DAZAP1: variants seen among roughly 807,000 people sequenced by gnomAD.
DAZAP1 encodes the protein DAZ associated protein 1, also known as DAZ-associated protein 1.
A neutral mutation model predicts 60.1 loss-of-function variants in DAZAP1; 6 were observed. The ratio of observed to expected loss-of-function variants is 0.10; its 90% confidence interval spans 0.05 to 0.20. The LOEUF is 0.20. Among genes scored for constraint, DAZAP1 ranks in the 10% least tolerant of loss-of-function variants. DAZAP1 has a pLI of 1.00. For synonymous variants in DAZAP1, 235 were observed against 215.9 expected, an observed-to-expected ratio of 1.09 and a Z score of -0.78; for missense variants, 366 against 560.4, an observed-to-expected ratio of 0.65 and a Z score of 3.50.
chr19:1,424,075 C>T (rs1377462686), intron 6 of DAZAP1, among the ~76,000 whole-genome samples: 1 of 152,104 alleles, frequency 6.6e-6, no homozygotes, highest in Non-Finnish European at 1.5e-5. Context: ...TCTGTGTCCC[C>T]CTCCCCGCCA....
chr19:1,408,918 C>T (rs2082744854), intron 1 of DAZAP1, among the ~76,000 whole-genome samples: 1 of 152,192 alleles, frequency 6.6e-6, no homozygotes, highest in African/African-American at 2.4e-5. Flanking sequence ...TTTCTCGGTG[C>T]CCTTAGCTTT....
intron 8 of DAZAP1, 33 bp from the exon 9 acceptor site, chr19:1,429,934 G>A (rs1228036092): frequency 4.5e-6 from 7 of 1,556,774 alleles, no homozygotes; most frequent in African/African-American, 4.1e-5. Flanking sequence ...TGGTGGACAC[G>A]GCGCCAACCT....
chr19:1,415,810 G>C (rs1220768223), intron 1 of DAZAP1: 1 of 152,160 alleles, frequency 6.6e-6, no homozygotes, highest in Non-Finnish European at 1.5e-5. Flanking sequence ...TCGTCTCTAA[G>C]GGTCAGGAAG....
In DAZAP1 at chr19:1,425,755, C is replaced by T. The variant is rs1024691171; in HGVS notation, c.464-123C>T. 1.4e-6 allele frequency: 1 copy of T among 727,548 alleles called. No individual in the cohort carries two copies. The highest frequency in any genetic ancestry group is 2.5e-6 in the Non-Finnish European group (1 of 402,374). 45.1% of individuals were successfully genotyped at this position (727,548 alleles called of 1,614,324 possible). A position where few individuals can be genotyped will look rare whatever the true frequency, so the allele number is the denominator to read the frequency against. ...AGGCAGCTGCCCCAGGGGCCCGCAGCGCCCCACACACAGCTTAGCTGAAAC... is the reference window on the plus strand; with the variant it reads ...AGGCAGCTGCCCCAGGGGCCCGCAGTGCCCCACACACAGCTTAGCTGAAAC... On this transcript the variant is annotated intron_variant, in intron 6 of 11. Coordinates refer to ENST00000233078, the MANE Select transcript of DAZAP1 (RefSeq NM_018959.4). The surrounding 1 kb of genome is among the most constrained non-coding windows in gnomAD (Gnocchi z 5.4).
At chr19:1,430,114 A>AGAG in intron 9 of DAZAP1, 108 bp from the exon 10 acceptor site, 1 of 1,552,122 alleles carries the variant, frequency 6.4e-7, no homozygotes. Flanking sequence ...CTGGAGAGGA[A>AGAG]GAGAGGGTGA....
In DAZAP1 at chr19:1,430,508, G is replaced by A. The variant is rs1029543089; in HGVS notation, c.871+146G>A. The A allele has an allele frequency of 1.7e-5, 12 of 700,082 alleles. No homozygotes were observed. The African/African-American group carries it at 1.9e-4, about 11-fold the overall frequency. The allele number at this position is 700,082 out of a possible 1,614,324, so 43.4% of individuals were successfully genotyped here. A position where few individuals can be genotyped will look rare whatever the true frequency, so the allele number is the denominator to read the frequency against. On this transcript the variant is annotated intron_variant, in intron 10 of 11. Coordinates refer to ENST00000233078, the MANE Select transcript of DAZAP1 (RefSeq NM_018959.4). ...TGGTCAGCAGGTCACCTGCCACCAG[G>A]CCCTTCACCTGCAGATGGGCTCCAT...
Position 1,418,806 on chromosome 19 carries a change from G to T in DAZAP1, c.303+75G>T. ...GAAAGGAAATGCGTGCCTTCAATCT[G>T]CTGTTGTCGCTCGTTAAGATTGAGG... is the stretch of plus-strand genomic sequence containing the variant. On this transcript the variant is annotated intron_variant, in intron 4 of 11. Coordinates refer to ENST00000233078, the MANE Select transcript of DAZAP1 (RefSeq NM_018959.4). The surrounding 1 kb of genome is among the most constrained non-coding windows in gnomAD (Gnocchi z 5.7). The T allele has an allele frequency of 2.1e-6, 3 of 1,437,970 alleles. No homozygotes were observed. The highest frequency in any genetic ancestry group is 2.8e-6 in the Non-Finnish European group (3 of 1,058,458). 89.1% of individuals were successfully genotyped at this position (1,437,970 alleles called of 1,614,324 possible).
At chr19:1,408,583 C>T (rs905302240) in intron 1 of DAZAP1, among the ~76,000 whole-genome samples, 1 of 152,232 alleles carries the variant, frequency 6.6e-6, no homozygotes, top group Admixed American at 6.5e-5. Flanking sequence ...AACCCAGGGC[C>T]CAGGGGGCTC....
Position 1,426,518 on chromosome 19 carries a change from G to A in DAZAP1, c.546+558G>A, listed in dbSNP as rs1298741652. ...GCCACCATGCAGTCAAGTGACCTCT[G>A]GTTGTGTCATCTTCATACTGTGTTA... is the stretch of plus-strand genomic sequence containing the variant. On this transcript the variant is annotated intron_variant, in intron 7 of 11. Coordinates refer to ENST00000233078, the MANE Select transcript of DAZAP1 (RefSeq NM_018959.4). This position sits in a 1 kb window ranked among gnomAD's most constrained non-coding sequence, Gnocchi z 5.4. 1 of 154,166 alleles carries A rather than the reference G, an allele frequency of 6.5e-6. No homozygotes were observed. The highest frequency in any genetic ancestry group is 2.4e-5 in the African/African-American group (1 of 41,438). The allele number at this position is 154,166 out of a possible 1,614,324, so 9.5% of individuals were successfully genotyped here.
Position 1,435,347 on chromosome 19 carries a change from GT to G in DAZAP1, c.*438del, listed in dbSNP as rs1453497641. The G allele has an allele frequency of 6.6e-6, 1 of 152,400 alleles. No homozygotes were observed. The highest frequency in any genetic ancestry group is 1.5e-5 in the Non-Finnish European group (1 of 68,082). The allele number at this position is 152,400 out of a possible 1,614,324, so 9.4% of individuals were successfully genotyped here. A position where few individuals can be genotyped will look rare whatever the true frequency, so the allele number is the denominator to read the frequency against. ...GGCTTATTTTTTAATTTAAAACGGG[GT>G]TTCCGTCGGCACTGGTGGAGGGGGT... is the stretch of plus-strand genomic sequence containing the variant. On this transcript the variant is annotated 3_prime_UTR_variant, in exon 12 of 12. Coordinates refer to ENST00000233078, the MANE Select transcript of DAZAP1 (RefSeq NM_018959.4).
Position 1,428,955 on chromosome 19 carries a change from C to G in DAZAP1, c.660C>G (p.Gly220=), listed in dbSNP as rs1346487209. 3 of 1,608,396 alleles carry G rather than the reference C, an allele frequency of 1.9e-6. No individual in the cohort carries two copies. Among genetic ancestry groups the G allele is most frequent in the Non-Finnish European group, 2.5e-6 (3 of 1,177,860 alleles). ...VVPNAANGWA[G]QPPPTWQQGY... The stretch of plus-strand genomic sequence containing the variant: ...CCAACGCTGCCAATGGCTGGGCAGG[C>G]CAGCCCCCGCCCACGTGGCAGCAAG... Residue 220 remains glycine (G), a synonymous_variant, in exon 8 of 12, where the codon GGC becomes GGG. Coordinates refer to ENST00000233078, the MANE Select transcript of DAZAP1 (RefSeq NM_018959.4). This position sits in a 1 kb window ranked among gnomAD's most constrained non-coding sequence, Gnocchi z 4.0.
chr19:1,419,196 A>G lies in DAZAP1; in HGVS notation c.303+465A>G, dbSNP rs147411504. 5.5e-3 allele frequency among the ~76,000 whole-genome samples: 834 copies of G among 152,326 alleles called. 13 individuals are homozygous for G. Among genetic ancestry groups the G allele is most frequent in the African/African-American group, 0.019 (778 of 41,558 alleles). On this transcript the variant is annotated intron_variant, in intron 4 of 11. Transcript: ENST00000233078. ...CTGGTGCTTGCCTGGCCGACAGGGCACTGTCCTGGCATGGGGTCTCCTTGG... is the reference window on the plus strand; with the variant it reads ...CTGGTGCTTGCCTGGCCGACAGGGCGCTGTCCTGGCATGGGGTCTCCTTGG...
rs2083515012 is a variant in DAZAP1, at chr19:1,433,660, G to C, written c.1048+970G>C. On this transcript the variant is annotated intron_variant, in intron 11 of 11. Coordinates refer to ENST00000233078, the MANE Select transcript of DAZAP1 (RefSeq NM_018959.4). The surrounding 1 kb of genome is among the most constrained non-coding windows in gnomAD (Gnocchi z 6.1). ...CTGGCAGGGGGGTGTGAGGCGCCCG[G>C]TTGGGGCGTGGCGTGTGTCAGCCGC... 8.1e-7 allele frequency: 1 copy of C among 1,229,914 alleles called. No homozygotes were observed. The highest frequency in any genetic ancestry group is 1.5e-5 in the African/African-American group (1 of 67,126). 76.2% of individuals were successfully genotyped at this position (1,229,914 alleles called of 1,614,324 possible).
chr19:1,410,100 T>TG (rs986502340), intron 1 of DAZAP1: 1 of 152,226 alleles, frequency 6.6e-6, no homozygotes, highest in Non-Finnish European at 1.5e-5. Flanking sequence ...GAGCCATCCT[T>TG]GGGGGAAGCT....
intron 10 of DAZAP1, among the ~76,000 whole-genome samples, chr19:1,430,760 G>A (rs554629718): frequency 1.1e-4 from 17 of 149,914 alleles, no homozygotes; most frequent in African/African-American, 3.9e-4. Context: ...TCACTCTGTA[G>A]CCCAGGCTGG....
chr19:1,412,883 G>C (rs569260149), intron 1 of DAZAP1, among the ~76,000 whole-genome samples: 1 of 152,294 alleles, frequency 6.6e-6, no homozygotes, highest in East Asian at 1.9e-4. Context: ...CAGACTGCAC[G>C]CTGGACTCCA....
rs1005061360 is a variant in DAZAP1 at position 1,423,632 on chromosome 19, G to T, written c.463+1236G>T. Among the ~76,000 whole-genome samples the T allele has an allele frequency of 6.6e-6, 1 of 152,224 alleles. No homozygotes were observed. The highest frequency in any genetic ancestry group is 2.4e-5 in the African/African-American group (1 of 41,452). On this transcript the variant is annotated intron_variant, in intron 6 of 11. Coordinates refer to ENST00000233078, the MANE Select transcript of DAZAP1 (RefSeq NM_018959.4). This position sits in a 1 kb window ranked among gnomAD's most constrained non-coding sequence, Gnocchi z 6.8. ...ACCCAGCGCCTCTTGCACTGTGCCC[G>T]GACCAGGCGAGCCCTGTGGTTTCAG...
chr19:1,417,246 C>T (rs1363237824), intron 1 of DAZAP1: 5 of 538,998 alleles, frequency 9.3e-6, no homozygotes, highest in East Asian at 3.3e-5. Context: ...TCGCCCGCCA[C>T]GCATGAGGTC....
intron 10 of DAZAP1, among the ~76,000 whole-genome samples, chr19:1,430,687 G>A (rs1050946676): frequency 6.6e-6 from 1 of 152,154 alleles, no homozygotes; most frequent in African/African-American, 2.4e-5. Context: ...TCAGGATTAG[G>A]GGGGCATTTG....
Sources: allele counts gnomAD v4.1 joint callset (sites outside exome capture counted in the v4.1 genomes callset), GRCh38; gene constraint gnomAD v4.1.1; non-coding constraint Gnocchi (gnomAD v3.1); transcripts MANE v1.5; gene names NCBI Gene and HGNC (gene_info 2026-07-23, HGNC 2026-07-21).